Variants in TRPC4 observed in about 807,000 individuals in gnomAD.
The protein encoded by TRPC4 is transient receptor potential cation channel subfamily C member 4.
In TRPC4, 49 loss-of-function variants were observed where a neutral mutation model predicts 99.4. The ratio of observed to expected loss-of-function variants is 0.49; its 90% confidence interval spans 0.39 to 0.63. The LOEUF (loss-of-function observed/expected upper bound fraction) is 0.63. Among genes scored for constraint, TRPC4 ranks in the 20% least tolerant of loss-of-function variants. The probability of loss-of-function intolerance (pLI) is 0.00; values close to 1 mark genes in which losing one functional copy is unlikely to be tolerated. For missense variants in TRPC4, 898 were observed against 1,152.9 expected, an observed-to-expected ratio of 0.78 and a Z score of 3.20; for synonymous variants, 454 against 425.9, an observed-to-expected ratio of 1.07 and a Z score of -0.81.
At chr13:37,827,163 T>G (rs1958253141) in intron 1 of TRPC4, among the ~76,000 whole-genome samples, 1 of 152,084 alleles carries the variant, frequency 6.6e-6, no homozygotes, top group African/African-American at 2.4e-5. Flanking sequence ...TTATTCTAGT[T>G]ATACATTCTT....
chr13:37,651,433 A>G lies in TRPC4; in HGVS notation c.1911T>C (p.Phe637=), dbSNP rs751526234. The G allele has an allele frequency of 1.2e-6, 2 of 1,614,044 alleles. No homozygotes were observed. Among genetic ancestry groups the G allele is most frequent in the South Asian group, 2.2e-5 (2 of 91,078 alleles). The change falls in exon 8 of 11, where the codon TTT becomes TTC. Residue 637 remains phenylalanine (F), a synonymous_variant. Transcript: ENST00000379705. The stretch of plus-strand genomic sequence containing the variant: ...AACTCATCCAAAGCTTTGTTCGTGC[A>G]AATTTCCATTCTATATCTGCATGGT... ...IADHADIEWK[F]ARTKLWMSYF... is the part of the protein sequence containing the mutation.
chr13:37,686,300 G>A lies in TRPC4; in HGVS notation c.1234+5699C>T, dbSNP rs191939958. ...CACACACGTATATATACACACGTGT[G>A]TATATGTGTCTATATGTATACATAC... is the stretch of plus-strand genomic sequence containing the variant. On this transcript the variant is annotated intron_variant, in intron 4 of 10. Coordinates refer to ENST00000379705, the MANE Select transcript of TRPC4 (RefSeq NM_016179.4). 3.0e-4 allele frequency among the ~76,000 whole-genome samples: 46 copies of A among 151,940 alleles called. 1 individual carries two copies. The highest frequency in any genetic ancestry group is 1.8e-3 in the Admixed American group (28 of 15,260).
intron 1 of TRPC4, among the ~76,000 whole-genome samples, chr13:37,791,910 A>G (rs1957130369): frequency 6.6e-6 from 1 of 152,198 alleles, no homozygotes; most frequent in African/African-American, 2.4e-5. Context: ...GCCAGTTGGC[A>G]GGAGTGCGAT....
intron 1 of TRPC4, among the ~76,000 whole-genome samples, chr13:37,861,244 T>C (rs1258041996): frequency 1.3e-5 from 2 of 151,594 alleles, no homozygotes; most frequent in Non-Finnish European, 3.0e-5. Flanking sequence ...GGGTTGTATA[T>C]TTACTTTGTA....
rs1380537337 is a variant in TRPC4, at chr13:37,666,442, G to T, written c.1375-2713C>A. Among the ~76,000 whole-genome samples the T allele has an allele frequency of 2.0e-5, 3 of 152,158 alleles. No individual in the cohort carries two copies. The East Asian group carries it at 5.8e-4, about 29-fold the overall frequency. ...CCTCATTTCCTGTCACGGATTAAGA[G>T]ATATAAATATGAAGTAATTATCTCT... On this transcript the variant is annotated intron_variant, in intron 5 of 10. Transcript: ENST00000379705.
intron 2 of TRPC4, among the ~76,000 whole-genome samples, chr13:37,772,867 T>C (rs555739388): frequency 1.3e-5 from 2 of 151,814 alleles, no homozygotes; most frequent in South Asian, 2.1e-4. Context: ...CAGGGTAATA[T>C]TGAAATGTGC....
intron 8 of TRPC4, among the ~76,000 whole-genome samples, chr13:37,644,291 G>A (rs1951805601): frequency 6.6e-6 from 1 of 151,990 alleles, no homozygotes; most frequent in Non-Finnish European, 1.5e-5. Flanking sequence ...GGAAATGACC[G>A]AGAACAGGAG....
At chr13:37,840,825 C>G (rs1593297738) in intron 1 of TRPC4, among the ~76,000 whole-genome samples, 3 of 152,054 alleles carry the variant, frequency 2.0e-5, no homozygotes, top group Admixed American at 2.0e-4. Flanking sequence ...CATCGGAAAA[C>G]AATAAATTTT....
At chr13:37,650,525 C>G (rs1952005655) in intron 8 of TRPC4, among the ~76,000 whole-genome samples, 1 of 151,776 alleles carries the variant, frequency 6.6e-6, no homozygotes, top group Non-Finnish European at 1.5e-5. Flanking sequence ...TTCCAGTTTA[C>G]CAGGAGCATG....
intron 5 of TRPC4, among the ~76,000 whole-genome samples, chr13:37,673,891 C>T (rs1248491309): frequency 2.0e-5 from 3 of 151,848 alleles, no homozygotes; most frequent in Admixed American, 1.3e-4. Flanking sequence ...TTTGGGTTGC[C>T]AAAATTTAAA....
chr13:37,711,681 C>T (rs1019118687), intron 3 of TRPC4, among the ~76,000 whole-genome samples: 1 of 151,906 alleles, frequency 6.6e-6, no homozygotes, highest in Non-Finnish European at 1.5e-5. Flanking sequence ...TTCTATATTT[C>T]TTTACATAAT....
At chr13:37,745,488 AC>A (rs1955735549) in intron 3 of TRPC4, among the ~76,000 whole-genome samples, 1 of 135,140 alleles carries the variant, frequency 7.4e-6, no homozygotes, top group African/African-American at 2.9e-5. Flanking sequence ...ACACACACAC[AC>A]TTATATATAC....
At chr13:37,695,009 C>A (rs1185023749) in intron 3 of TRPC4, among the ~76,000 whole-genome samples, 1 of 151,890 alleles carries the variant, frequency 6.6e-6, no homozygotes, top group Non-Finnish European at 1.5e-5. Flanking sequence ...ATTTTCCATG[C>A]AAAAATGGGT....
intron 5 of TRPC4, among the ~76,000 whole-genome samples, 170 bp downstream of exon 5, chr13:37,674,058 A>G (rs1401892735): frequency 6.6e-6 from 1 of 152,188 alleles, no homozygotes; most frequent in Non-Finnish European, 1.5e-5. Context: ...AAGGCTATGC[A>G]TTTATTTATG....
chr13:37,712,961 A>T (rs941991476), intron 3 of TRPC4, among the ~76,000 whole-genome samples: 1 of 152,218 alleles, frequency 6.6e-6, no homozygotes, highest in African/African-American at 2.4e-5. Context: ...GACAAAACAC[A>T]TGCATGCTCA....
intron 1 of TRPC4, among the ~76,000 whole-genome samples, chr13:37,846,984 GA>G (rs1268625983): frequency 2.4e-4 from 37 of 151,830 alleles, no homozygotes; most frequent in African/African-American, 8.2e-4. Context: ...AATAATAAAG[GA>G]ATTGATTCAC....
intron 1 of TRPC4, among the ~76,000 whole-genome samples, chr13:37,819,840 AC>A (rs1957964286): frequency 6.6e-6 from 1 of 151,760 alleles, no homozygotes; most frequent in African/African-American, 2.4e-5. Context: ...AAAAAAAAAA[AC>A]AAAAAAAGAT....
chr13:37,642,645 C>A lies in TRPC4; in HGVS notation c.2080-3346G>T, dbSNP rs563634267. On this transcript the variant is annotated intron_variant, in intron 8 of 10. Transcript: ENST00000379705. ...GATCTCAGTTTTTTCAGTGTAGGAA[C>A]CTTGAGTTGGGAGAAATTATTTACA... is the stretch of plus-strand genomic sequence containing the variant. Among the ~76,000 whole-genome samples the A allele has an allele frequency of 3.6e-4, 55 of 152,064 alleles. 1 individual carries two copies. Among genetic ancestry groups the A allele is most frequent in the East Asian group, 3.1e-3 (16 of 5,156 alleles).
intron 2 of TRPC4, among the ~76,000 whole-genome samples, chr13:37,773,521 A>G (rs554399350): frequency 2.0e-5 from 3 of 151,834 alleles, no homozygotes; most frequent in African/African-American, 7.2e-5. Context: ...GAAGGCTGCT[A>G]CTAGGGTCAA....
Sources: allele counts gnomAD v4.1 joint callset (sites outside exome capture counted in the v4.1 genomes callset), GRCh38; gene constraint gnomAD v4.1.1; transcripts MANE v1.5; gene names NCBI Gene and HGNC (gene_info 2026-07-23, HGNC 2026-07-21).